The following ALDH9A1 variants were observed in gnomAD, a reference collection of about 807,000 sequenced individuals.
The protein encoded by ALDH9A1 is 4-trimethylaminobutyraldehyde dehydrogenase.
ALDH9A1 carries 42 observed loss-of-function variants against 56.6 expected under a neutral mutation model. That is an observed-to-expected ratio of 0.74 (90% CI 0.58 to 0.96). ALDH9A1 has a LOEUF of 0.96. Among genes scored for constraint, ALDH9A1 ranks in the 40% least tolerant of loss-of-function variants. The pLI, the probability that ALDH9A1 is intolerant of heterozygous loss-of-function variation, is 0.00. For missense variants in ALDH9A1, 661 were observed against 651.5 expected, an observed-to-expected ratio of 1.01 and a Z score of -0.16; for synonymous variants, 242 against 236.0, an observed-to-expected ratio of 1.03 and a Z score of -0.23.
chr1:165,686,393 G>A (rs780222697), intron 2 of ALDH9A1, among the ~76,000 whole-genome samples: 1 of 152,030 alleles, frequency 6.6e-6, no homozygotes, highest in Non-Finnish European at 1.5e-5. Flanking sequence ...GACTGAGTGT[G>A]GAAGGGAAAA....
intron 4 of ALDH9A1, among the ~76,000 whole-genome samples, chr1:165,681,416 G>A (rs570860953): frequency 6.6e-6 from 1 of 152,268 alleles, no homozygotes; most frequent in African/African-American, 2.4e-5. Context: ...CTTAATTCTG[G>A]TGACTATTAA....
At chr1:165,674,194 C>T (rs1318610251) in intron 6 of ALDH9A1, among the ~76,000 whole-genome samples, 2 of 151,928 alleles carry the variant, frequency 1.3e-5, no homozygotes, top group African/African-American at 4.8e-5. Flanking sequence ...TAACCCACCC[C>T]TTGTTTAGCA....
intron 2 of ALDH9A1, among the ~76,000 whole-genome samples, chr1:165,693,338 G>C (rs1571186208): frequency 1.3e-5 from 2 of 152,152 alleles, no homozygotes; most frequent in East Asian, 3.9e-4. Flanking sequence ...TTAATATCCA[G>C]AATCTACAAT....
intron 2 of ALDH9A1, among the ~76,000 whole-genome samples, chr1:165,691,137 G>A (rs972554481): frequency 6.6e-6 from 1 of 152,156 alleles, no homozygotes; most frequent in Non-Finnish European, 1.5e-5. Flanking sequence ...CCTCATACAG[G>A]TGGGTGCCCT....
intron 2 of ALDH9A1, among the ~76,000 whole-genome samples, chr1:165,687,141 G>T (rs984111301): frequency 6.6e-6 from 1 of 151,890 alleles, no homozygotes; most frequent in African/African-American, 2.4e-5. Flanking sequence ...CACACACACA[G>T]GGGGTGGGAG....
intron 9 of ALDH9A1, among the ~76,000 whole-genome samples, chr1:165,665,980 T>C (rs192459289): frequency 1.3e-5 from 2 of 152,228 alleles, no homozygotes; most frequent in Admixed American, 1.3e-4. Context: ...TCATTATTCA[T>C]AATAGCCAAA....
In ALDH9A1 at chr1:165,664,991, T is replaced by C. The variant is rs201139872; in HGVS notation, c.1462+27A>G. 1.2e-4 allele frequency: 193 copies of C among 1,564,028 alleles called. 2 individuals carry two copies. The African/African-American group carries it at 2.4e-3, about 19-fold the overall frequency. ...TACGACCTAGCTCTAGAGACCTAGT[T>C]TGCATTCACACCTCCCAGCTCCTCA... is the stretch of plus-strand genomic sequence containing the variant. On this transcript the variant is annotated intron_variant, in intron 10 of 10. Coordinates refer to ENST00000354775, the MANE Select transcript of ALDH9A1 (RefSeq NM_000696.4).
chr1:165,676,438 C>T (rs12083091), intron 6 of ALDH9A1: 84,952 of 214,580 alleles, frequency 0.4, 17,420 homozygotes, highest in Middle Eastern at 0.48. Flanking sequence ...AGACATCAAG[C>T]GAACGGGTAC....
At chr1:165,674,685 CAAAAA>C (rs36011778) in intron 6 of ALDH9A1, among the ~76,000 whole-genome samples, 1 of 115,556 alleles carries the variant, frequency 8.7e-6, no homozygotes, top group Non-Finnish European at 1.7e-5. Flanking sequence ...GACTCCGAAT[CAAAAA>C]AAAAAAAAAA....
rs182510403 is a variant in ALDH9A1 at position 165,671,020 on chromosome 1, G to T, written c.931-1570C>A. On this transcript the variant is annotated intron_variant, in intron 6 of 10. Coordinates refer to ENST00000354775, the MANE Select transcript of ALDH9A1 (RefSeq NM_000696.4). Reference sequence around the variant, plus strand: ...TGGGAGATGGAGGTTGCAGTGAGCCGAGATCGTCCCATTGCACCCCAGCCT... The same window carrying T: ...TGGGAGATGGAGGTTGCAGTGAGCCTAGATCGTCCCATTGCACCCCAGCCT... 1.4e-3 allele frequency among the ~76,000 whole-genome samples: 214 copies of T among 152,300 alleles called. 1 individual carries two copies. Among genetic ancestry groups the T allele is most frequent in the African/African-American group, 4.8e-3 (198 of 41,550 alleles).
Position 165,698,415 on chromosome 1 carries a change from G to A in ALDH9A1, c.144C>T (p.Asp48=). 6.2e-7 allele frequency: 1 copy of A among 1,605,608 alleles called. No homozygotes were observed. The highest frequency in any genetic ancestry group is 1.4e-5 in the African/African-American group (1 of 73,954). ...YRGGARVEPA[D]ASGTEKAFEP... ...CGAAAGCTTTCTCGGTACCGGAGGCGTCCGCCGGCTCCACGCGGGCCCCGC... is the reference window on the plus strand; with the variant it reads ...CGAAAGCTTTCTCGGTACCGGAGGCATCCGCCGGCTCCACGCGGGCCCCGC... Residue 48 remains aspartate (D), a synonymous_variant, in exon 1 of 11, where the codon GAC becomes GAT. Coordinates refer to ENST00000354775, the MANE Select transcript of ALDH9A1 (RefSeq NM_000696.4).
intron 1 of ALDH9A1, among the ~76,000 whole-genome samples, chr1:165,696,667 C>G (rs890810127): frequency 3.9e-5 from 6 of 152,120 alleles, no homozygotes; most frequent in Admixed American, 3.9e-4. Context: ...AGGCCCATAG[C>G]CCAAGGACTG....
intron 6 of ALDH9A1, chr1:165,676,763 T>C (rs1317566453): frequency 8.0e-6 from 4 of 502,006 alleles, no homozygotes; most frequent in African/African-American, 2.0e-5. Flanking sequence ...CTGGAACCTA[T>C]TCCCTATGAA....
At chr1:165,673,273 T>C (rs544483833) in intron 6 of ALDH9A1, among the ~76,000 whole-genome samples, 1 of 152,188 alleles carries the variant, frequency 6.6e-6, no homozygotes, top group Non-Finnish European at 1.5e-5. Context: ...TCTGTTAGCA[T>C]GGTTATTATC....
At chr1:165,671,616 G>T in intron 6 of ALDH9A1, 1 of 479,382 alleles carries the variant, frequency 2.1e-6, no homozygotes, top group Non-Finnish European at 4.0e-6. Flanking sequence ...GCTAAATTCT[G>T]TCTGATTCTG....
chr1:165,693,654 T>G (rs1177928883), intron 2 of ALDH9A1, among the ~76,000 whole-genome samples: 1 of 152,222 alleles, frequency 6.6e-6, no homozygotes, highest in Non-Finnish European at 1.5e-5. Flanking sequence ...GAAGACAGTG[T>G]GGCGATTCCT....
chr1:165,674,085 T>C (rs983861198), intron 6 of ALDH9A1, among the ~76,000 whole-genome samples: 5 of 151,928 alleles, frequency 3.3e-5, no homozygotes, highest in Admixed American at 6.6e-5. Context: ...TTATAATGCA[T>C]CAACATGCTA....
chr1:165,696,231 A>C (rs376450528), intron 1 of ALDH9A1, among the ~76,000 whole-genome samples: 55 of 152,316 alleles, frequency 3.6e-4, no homozygotes, highest in African/African-American at 1.3e-3. Context: ...AGAAAAATCT[A>C]CTTAAACATA....
chr1:165,696,486 TA>T (rs1203352927), intron 1 of ALDH9A1, among the ~76,000 whole-genome samples: 1 of 152,228 alleles, frequency 6.6e-6, no homozygotes, highest in Non-Finnish European at 1.5e-5. Flanking sequence ...ATGTAGGTTA[TA>T]TCATACTACT....
Sources: gnomAD v4.1 joint callset for allele counts (sites outside exome capture counted in the v4.1 genomes callset) on GRCh38, gnomAD v4.1.1 for gene constraint, MANE v1.5 for transcripts, NCBI Gene and HGNC (gene_info 2026-07-23, HGNC 2026-07-21) for gene names.